The following KIAA0513 variants were observed in gnomAD, a reference collection of about 807,000 sequenced individuals.
KIAA0513 encodes the protein KIAA0513, also known as uncharacterized protein KIAA0513.
A neutral mutation model predicts 56.5 loss-of-function variants in KIAA0513; 39 were observed. The observed-to-expected ratio is 0.69, with a 90% CI of 0.53 to 0.90. The LOEUF (loss-of-function observed/expected upper bound fraction) is 0.90. KIAA0513 is among the 40% of genes least tolerant of loss of function. KIAA0513 has a pLI of 0.00. For synonymous variants in KIAA0513, 268 were observed against 215.6 expected (o/e 1.24, Z -2.13); for missense variants, 591 against 535.2 (o/e 1.10, Z -1.03).
chr16:85,034,909 C>T (rs1047724846), intron 1 of KIAA0513, among the ~76,000 whole-genome samples: 2 of 152,192 alleles, frequency 1.3e-5, no homozygotes, highest in African/African-American at 4.8e-5. Flanking sequence ...CTTTGCCTCT[C>T]CCCTGTGCTG....
At chr16:85,069,596 G>A (rs997476795) in intron 2 of KIAA0513, among the ~76,000 whole-genome samples, 8 of 152,018 alleles carry the variant, frequency 5.3e-5, no homozygotes, top group East Asian at 1.9e-4. Flanking sequence ...GAAGGAGGAC[G>A]CACACACACC....
At chr16:85,067,513 C>T in intron 2 of KIAA0513, 113 bp downstream of exon 2, 1 of 828,616 alleles carries the variant, frequency 1.2e-6, no homozygotes, top group Non-Finnish European at 1.9e-6. Flanking sequence ...CCAGAGCTTC[C>T]ATTTCCCCAT....
intron 1 of KIAA0513, chr16:85,063,816 C>G (rs1374667859): frequency 2.6e-5 from 4 of 151,772 alleles, no homozygotes; most frequent in Non-Finnish European, 4.4e-5. Context: ...AATTAAATTT[C>G]TCTCACTTCA....
intron 1 of KIAA0513, among the ~76,000 whole-genome samples, chr16:85,051,259 G>C (rs184683985): frequency 1.3e-5 from 2 of 152,334 alleles, no homozygotes; most frequent in Admixed American, 1.3e-4. Flanking sequence ...GGAACCAGCA[G>C]ATGGCCCCTT....
chr16:85,056,688 C>A (rs950026938), intron 1 of KIAA0513, among the ~76,000 whole-genome samples: 6 of 152,060 alleles, frequency 3.9e-5, no homozygotes, highest in Admixed American at 3.9e-4. Context: ...CTCAATTGCC[C>A]AATTATTTAG....
In KIAA0513 at chr16:85,081,347, T is replaced by C; in HGVS notation, c.935T>C (p.Phe312Ser). 3.1e-6 allele frequency: 5 copies of C among 1,602,566 alleles called. No individual in the cohort carries two copies. The highest frequency in any genetic ancestry group is 4.3e-6 in the Non-Finnish European group (5 of 1,174,496). Reference protein sequence around the residue: ...HTLRFWNAAFFDAVHCERTKR... With the variant: ...HTLRFWNAAFSDAVHCERTKR... ...CTGAGGTTCTGGAATGCAGCCTTTT[T>C]TGACGCTGTCCATTGTGAGAGGACA... Residue 312 changes from phenylalanine (F) to serine (S), a missense_variant, in exon 9 of 13, where the codon TTT (phenylalanine) becomes TCT (serine). Transcript: ENST00000683363. This position sits in a 1 kb window ranked among gnomAD's most constrained non-coding sequence, Gnocchi z 4.4.
At chr16:85,052,261 A>C (rs1009169049) in intron 1 of KIAA0513, among the ~76,000 whole-genome samples, 1 of 152,084 alleles carries the variant, frequency 6.6e-6, no homozygotes, top group Non-Finnish European at 1.5e-5. Flanking sequence ...TGGAGGTTGC[A>C]GTGAGCTGAG....
At chr16:85,034,592 G>A (rs1014803181) in intron 1 of KIAA0513, among the ~76,000 whole-genome samples, 3 of 152,150 alleles carry the variant, frequency 2.0e-5, no homozygotes, top group Non-Finnish European at 4.4e-5. Context: ...AAGTACAGAG[G>A]ACTCACCGGA....
rs777266191 is a variant in KIAA0513, at chr16:85,077,494, C to T, written c.644C>T (p.Ser215Phe). The T allele has an allele frequency of 1.5e-5, 24 of 1,614,086 alleles. No homozygotes were observed. Among genetic ancestry groups the T allele is most frequent in the African/African-American group, 2.7e-5 (2 of 74,948 alleles). The change falls in exon 6 of 13, where the codon TCC becomes TTC. Residue 215 changes from serine (S) to phenylalanine (F), a missense_variant. Transcript: ENST00000683363. ...PAGSIDSYLK[S>F]ANSWLAEKKD... is the part of the protein sequence containing the mutation. ...GGCAGCATCGACTCCTACCTGAAAT[C>T]CGCAAACAGCTGGCTGGCCGAAAAG...
At chr16:85,056,901 C>T (rs2073338105) in intron 1 of KIAA0513, among the ~76,000 whole-genome samples, 1 of 152,078 alleles carries the variant, frequency 6.6e-6, no homozygotes, top group Non-Finnish European at 1.5e-5. Context: ...GACAAGGTCT[C>T]TCTTTGTTGC....
At chr16:85,044,487 T>G (rs1372018497) in intron 1 of KIAA0513, among the ~76,000 whole-genome samples, 1 of 151,822 alleles carries the variant, frequency 6.6e-6, no homozygotes, top group African/African-American at 2.4e-5. Flanking sequence ...CACCACAAAG[T>G]AATGCTCCTC....
intron 1 of KIAA0513, among the ~76,000 whole-genome samples, chr16:85,041,529 A>G (rs9319454): frequency 0.1 from 15,377 of 152,182 alleles, 1,456 homozygotes; most frequent in African/African-American, 0.24. Context: ...TTTGTTTCGT[A>G]GGATTTATCA....
chr16:85,069,711 T>C (rs1309434787), intron 2 of KIAA0513, among the ~76,000 whole-genome samples: 1 of 151,884 alleles, frequency 6.6e-6, no homozygotes, highest in African/African-American at 2.4e-5. Flanking sequence ...GCCGGCAGCA[T>C]TGGCATCTCC....
chr16:85,075,359 C>T (rs1233538538), intron 4 of KIAA0513, among the ~76,000 whole-genome samples: 1 of 152,180 alleles, frequency 6.6e-6, no homozygotes, highest in African/African-American at 2.4e-5. Context: ...TGGCCCGACC[C>T]AAGACCAAGA....
In KIAA0513 at chr16:85,071,603, A is replaced by T. The variant is rs1205387904; in HGVS notation, c.330-180A>T. On this transcript the variant is annotated intron_variant, in intron 2 of 12. Transcript: ENST00000683363. ...AAGCCAGGCTCCTCGCCTTTGAAAT[A>T]ATAGTAACACCCTTTCCTCATGGGA... 2.6e-5 allele frequency among the ~76,000 whole-genome samples: 4 copies of T among 152,280 alleles called. No homozygotes were observed. The East Asian group carries it at 5.8e-4, about 22-fold the overall frequency.
At chr16:85,087,282 G>C (rs747235699) in intron 12 of KIAA0513, 116 bp downstream of exon 12, 1 of 809,836 alleles carries the variant, frequency 1.2e-6, no homozygotes, top group African/African-American at 1.7e-5. Context: ...AGTCGGAAAC[G>C]TGGTGCTGAG....
At chr16:85,061,828 G>C (rs541547415) in intron 1 of KIAA0513, among the ~76,000 whole-genome samples, 1 of 152,188 alleles carries the variant, frequency 6.6e-6, no homozygotes, top group African/African-American at 2.4e-5. Context: ...GAAGTGGGGC[G>C]GAAGGGGTTG....
chr16:85,054,782 C>T (rs1183331987), intron 1 of KIAA0513, among the ~76,000 whole-genome samples: 1 of 151,918 alleles, frequency 6.6e-6, no homozygotes, highest in Admixed American at 6.6e-5. Context: ...GTGCCCTTCC[C>T]AGAATGTGCC....
At chr16:85,048,357 G>GT (rs1327094587) in intron 1 of KIAA0513, among the ~76,000 whole-genome samples, 3 of 152,198 alleles carry the variant, frequency 2.0e-5, no homozygotes, top group Non-Finnish European at 2.9e-5. Flanking sequence ...ATGGAAAGGG[G>GT]TTTCTAAGAG....
Sources: gnomAD v4.1 joint callset for allele counts (sites outside exome capture counted in the v4.1 genomes callset) on GRCh38, gnomAD v4.1.1 for gene constraint, Gnocchi (gnomAD v3.1) non-coding constraint, MANE v1.5 for transcripts, NCBI Gene and HGNC (gene_info 2026-07-23, HGNC 2026-07-21) for gene names.